Variants in PFKFB4 observed in about 807,000 individuals in gnomAD.
PFKFB4 encodes 6-phosphofructo-2-kinase/fructose-2,6-bisphosphatase 4.
PFKFB4 carries 42 observed loss-of-function variants against 62.8 expected under a neutral mutation model. The observed-to-expected ratio is 0.67, with a 90% CI of 0.52 to 0.86. The LOEUF (loss-of-function observed/expected upper bound fraction) is 0.86, where lower values mean the gene tolerates loss of function less well. PFKFB4 is among the 40% of genes least tolerant of loss of function. PFKFB4 has a pLI of 0.00. For synonymous variants in PFKFB4, 204 were observed against 240.7 expected (o/e 0.85, Z 1.41); for missense variants, 475 against 627.2 (o/e 0.76, Z 2.59).
rs527959239 is a variant in PFKFB4, at chr3:48,556,047, A to G, written c.97+634T>C. The G allele has an allele frequency of 2.0e-5, 9 of 452,670 alleles. No homozygotes were observed. The highest frequency in any genetic ancestry group is 1.8e-4 in the African/African-American group (9 of 50,086). 28.0% of individuals were successfully genotyped at this position (452,670 alleles called of 1,614,324 possible). ...CATTCTCCTAGCTGTTTCACTCTCCAGTTTTACTGTACACCCATGACCCCA... is the reference window on the plus strand; with the variant it reads ...CATTCTCCTAGCTGTTTCACTCTCCGGTTTTACTGTACACCCATGACCCCA... On this transcript the variant is annotated intron_variant, in intron 1 of 13. Transcript: ENST00000232375. This position sits in a 1 kb window ranked among gnomAD's most constrained non-coding sequence, Gnocchi z 5.7.
At chr3:48,541,316 A>G (rs917810821) in intron 4 of PFKFB4, among the ~76,000 whole-genome samples, 3 of 151,568 alleles carry the variant, frequency 2.0e-5, no homozygotes, top group African/African-American at 7.3e-5. Flanking sequence ...TTTTTAGTAG[A>G]GATGGAGTTT....
chr3:48,527,343 G>A (rs2042296396), intron 9 of PFKFB4, among the ~76,000 whole-genome samples: 1 of 145,028 alleles, frequency 6.9e-6, no homozygotes, highest in Non-Finnish European at 1.5e-5. Context: ...CCAGTGGTGT[G>A]ATCTTGGCTC....
rs1056087344 is a variant in PFKFB4, at chr3:48,517,969, C to G, written c.*1778G>C. 1 of 152,432 alleles carries G rather than the reference C, an allele frequency of 6.6e-6. No homozygotes were observed. The highest frequency in any genetic ancestry group is 1.5e-5 in the Non-Finnish European group (1 of 68,162). The allele number at this position is 152,432 out of a possible 1,614,324, so 9.4% of individuals were successfully genotyped here. A position where few individuals can be genotyped will look rare whatever the true frequency, so the allele number is the denominator to read the frequency against. On this transcript the variant is annotated 3_prime_UTR_variant, in exon 14 of 14. Coordinates refer to ENST00000232375, the MANE Select transcript of PFKFB4 (RefSeq NM_004567.4). ...ATCCAGTCCAGCAACTCCTAACTCC[C>G]CTCTGTACACAGAGAGAAAAGGCCT... is the stretch of plus-strand genomic sequence containing the variant.
At chr3:48,557,086 C>A, upstream of PFKFB4, 1 of 784,636 alleles carries the variant, frequency 1.3e-6, no homozygotes, top group South Asian at 2.5e-5. Context: ...GTTCAAGGCC[C>A]GGATTGTGCA....
chr3:48,559,387 G>C, upstream of PFKFB4: 1 of 389,042 alleles, frequency 2.6e-6, no homozygotes. Context: ...GGGTCAGGAA[G>C]AGGGAGAAGG....
At position 48,537,968 on chromosome 3, in the gene PFKFB4, A is replaced by G. The variant is rs928586412; in HGVS notation, c.632+530T>C. ...ACTGTAATACTTCACCAAGGGCTAC[A>G]TTATTATTTACCCAGCCACTGCCCC... On this transcript the variant is annotated intron_variant, in intron 7 of 13. Transcript: ENST00000232375. Among the ~76,000 whole-genome samples the G allele has an allele frequency of 2.0e-5, 3 of 152,204 alleles. 1 individual carries two copies. The highest frequency in any genetic ancestry group is 4.4e-5 in the Non-Finnish European group (3 of 68,044).
chr3:48,562,997 G>A (rs372343725), upstream of PFKFB4: 268 of 1,608,868 alleles, frequency 1.7e-4, no homozygotes, highest in South Asian at 1.3e-3. This position sits in a 1 kb window ranked among gnomAD's most constrained non-coding sequence, Gnocchi z 4.3. Context: ...CTCTGAGGCC[G>A]CAGGTCGGGG....
At position 48,539,304 on chromosome 3, in the gene PFKFB4, A is replaced by C. The variant is rs762352552; in HGVS notation, c.460T>G (p.Phe154Val). ...FGEQNGYKTF[F>V]VESICVDPEV... ...GGATCCACACAGATGGACTCGACAA[A>C]AAAGGTCTGCGGCAGGACCAGAAGC... The change falls in exon 6 of 14, where the codon TTT becomes GTT. Residue 154 changes from phenylalanine to valine, a missense_variant. By Grantham distance (50) the Phe-to-Val change is conservative. Coordinates refer to ENST00000232375, the MANE Select transcript of PFKFB4 (RefSeq NM_004567.4). 6.2e-7 allele frequency: 1 copy of C among 1,614,004 alleles called. No individual in the cohort carries two copies. The highest frequency in any genetic ancestry group is 1.1e-5 in the South Asian group (1 of 91,048).
intron 6 of PFKFB4, 24 bp from the exon 7 acceptor site, chr3:48,538,643 AG>A (rs1176651545): frequency 3.1e-6 from 5 of 1,614,010 alleles, no homozygotes; most frequent in Non-Finnish European, 4.2e-6. Flanking sequence ...GCACAGAGAA[AG>A]GACATATCAG....
chr3:48,528,675 T>C (rs534283636), intron 9 of PFKFB4, among the ~76,000 whole-genome samples: 1 of 152,182 alleles, frequency 6.6e-6, no homozygotes. Context: ...CAAACAAACA[T>C]AGAAAACACC....
In PFKFB4 at chr3:48,550,134, A is replaced by G; in HGVS notation, c.198T>C (p.Ile66=). Residue 66 remains isoleucine, a synonymous_variant, in exon 2 of 14, where the codon ATT becomes ATC. Coordinates refer to ENST00000232375, the MANE Select transcript of PFKFB4 (RefSeq NM_004567.4). ...AAGCCTCACCCCGAGTGGGCACACC[A>G]ATCCAGTTCAGGTATCGAGTCAGCT... ...SKKLTRYLNW[I]GVPTREFNVG... is the part of the protein sequence containing the mutation. The G allele has an allele frequency of 2.5e-6, 4 of 1,613,012 alleles. No individual in the cohort carries two copies. Among genetic ancestry groups the G allele is most frequent in the Non-Finnish European group, 3.4e-6 (4 of 1,178,936 alleles).
intron 9 of PFKFB4, among the ~76,000 whole-genome samples, chr3:48,529,799 C>G (rs759492470): frequency 1.3e-5 from 2 of 152,050 alleles, no homozygotes; most frequent in Admixed American, 6.6e-5. Context: ...ACAGAAAATA[C>G]AAAAATTAGC....
At position 48,543,612 on chromosome 3, in the gene PFKFB4, G is replaced by A. The variant is rs140464894; in HGVS notation, c.346C>T (p.Arg116Trp). 47 of 1,612,116 alleles carry A rather than the reference G, an allele frequency of 2.9e-5. No individual in the cohort carries two copies. The highest frequency in any genetic ancestry group is 3.5e-5 in the Non-Finnish European group (41 of 1,179,362). ...TGTCCCCCCTCCTCACTAAGGAACC[G>A]CCGGACGTCACGGAGGGCTGCCAGG... is the stretch of plus-strand genomic sequence containing the variant. ...CALAALRDVR[R>W]FLSEEGGHVA... Residue 116 changes from arginine (R) to tryptophan (W), a missense_variant, in exon 4 of 14, where the codon CGG (arginine) becomes TGG (tryptophan). Coordinates refer to ENST00000232375, the MANE Select transcript of PFKFB4 (RefSeq NM_004567.4).
chr3:48,525,693 C>A (rs778528836), intron 9 of PFKFB4, 24 bp from the exon 10 acceptor site: 20 of 1,360,678 alleles, frequency 1.5e-5, no homozygotes, highest in Non-Finnish European at 1.9e-5. Flanking sequence ...ACAGTCATCA[C>A]ACCTCCTACA....
chr3:48,553,244 C>A (rs2043210533), intron 1 of PFKFB4, among the ~76,000 whole-genome samples: 1 of 152,206 alleles, frequency 6.6e-6, no homozygotes, highest in Non-Finnish European at 1.5e-5. Context: ...GAGGCCGAGG[C>A]AGGCAGATCA....
intron 1 of PFKFB4, among the ~76,000 whole-genome samples, chr3:48,553,272 G>A (rs1263762245): frequency 3.3e-5 from 5 of 152,154 alleles, no homozygotes; most frequent in Non-Finnish European, 5.9e-5. Context: ...TCAGGAGTTC[G>A]AGACCAGCTT....
Position 48,556,054 on chromosome 3 carries a change from C to G in PFKFB4, c.97+627G>C, listed in dbSNP as rs1242953903. 2.2e-6 allele frequency: 1 copy of G among 455,240 alleles called. No homozygotes were observed. The allele number at this position is 455,240 out of a possible 1,614,324, so 28.2% of individuals were successfully genotyped here. A position where few individuals can be genotyped will look rare whatever the true frequency, so the allele number is the denominator to read the frequency against. ...CTAGCTGTTTCACTCTCCAGTTTTA[C>G]TGTACACCCATGACCCCAGGTGGAT... is the stretch of plus-strand genomic sequence containing the variant. On this transcript the variant is annotated intron_variant, in intron 1 of 13. Transcript: ENST00000232375. The surrounding 1 kb of genome is among the most constrained non-coding windows in gnomAD (Gnocchi z 5.7).
At chr3:48,536,739 C>T (rs143259333) in intron 7 of PFKFB4, 40 of 451,606 alleles carry the variant, frequency 8.9e-5, no homozygotes, top group African/African-American at 6.4e-4. Flanking sequence ...GGGGGGTCCG[C>T]CATACCACAT....
intron 9 of PFKFB4, among the ~76,000 whole-genome samples, chr3:48,531,222 CA>C (rs1180994998): frequency 2.6e-5 from 4 of 151,654 alleles, no homozygotes; most frequent in East Asian, 3.9e-4. Context: ...AAATTTAGGA[CA>C]GGGGCAGTGG....
Sources: allele counts gnomAD v4.1 joint callset (sites outside exome capture counted in the v4.1 genomes callset), GRCh38; gene constraint gnomAD v4.1.1; non-coding constraint Gnocchi (gnomAD v3.1); transcripts MANE v1.5; gene names NCBI Gene and HGNC (gene_info 2026-07-23, HGNC 2026-07-21).